Variants in SLC5A3 observed in about 807,000 individuals in gnomAD.
The protein encoded by SLC5A3 is sodium/myo-inositol cotransporter.
Under a neutral mutation model 43.2 loss-of-function variants are expected in SLC5A3, and 10 were observed. That is an observed-to-expected ratio of 0.23 (90% CI 0.14 to 0.39). The LOEUF (loss-of-function observed/expected upper bound fraction) is 0.39. Among genes scored for constraint, SLC5A3 ranks in the 10% least tolerant of loss-of-function variants. SLC5A3 has a pLI of 1.00. For missense variants in SLC5A3, 608 were observed against 893.4 expected (o/e 0.68, Z 4.07); for synonymous variants, 349 against 322.0 (o/e 1.08, Z -0.90).
At position 34,095,756 on chromosome 21, in the gene SLC5A3, T is replaced by A. The variant is rs1341234779; in HGVS notation, c.558T>A (p.Thr186=). ...TTGTTGCAGTGATCTACACAGACAC[T>A]CTGCAGGCTCTGCTCATGATCATTG... ...GGLVAVIYTD[T]LQALLMIIGA... The change falls in exon 2 of 2, where the codon ACT becomes ACA. Residue 186 remains threonine (T), a synonymous_variant. Coordinates refer to ENST00000381151, the MANE Select transcript of SLC5A3 (RefSeq NM_006933.7). 5 of 1,614,112 alleles carry A rather than the reference T, an allele frequency of 3.1e-6. No individual in the cohort carries two copies. The highest frequency in any genetic ancestry group is 4.2e-6 in the Non-Finnish European group (5 of 1,180,000).
intron 1 of SLC5A3, among the ~76,000 whole-genome samples, chr21:34,081,551 T>A (rs909009628): frequency 2.6e-5 from 4 of 152,192 alleles, no homozygotes; most frequent in African/African-American, 9.6e-5. Flanking sequence ...AAACAAAGAC[T>A]GGCATTGGGA....
chr21:34,098,557 G>T lies in SLC5A3; in HGVS notation c.*1202G>T. 2 of 1,000,206 alleles carry T rather than the reference G, an allele frequency of 2.0e-6. No homozygotes were observed. The highest frequency in any genetic ancestry group is 2.4e-6 in the Non-Finnish European group (2 of 829,966). The allele number at this position is 1,000,206 out of a possible 1,614,324, so 62.0% of individuals were successfully genotyped here. A position where few individuals can be genotyped will look rare whatever the true frequency, so the allele number is the denominator to read the frequency against. ...CATAAGGATGTTTCAGTGCAAACTGGCCGTCGGTAACAGAAAACTCAGTGC... is the reference window on the plus strand; with the variant it reads ...CATAAGGATGTTTCAGTGCAAACTGTCCGTCGGTAACAGAAAACTCAGTGC... On this transcript the variant is annotated 3_prime_UTR_variant, in exon 2 of 2. Transcript: ENST00000381151.
At chr21:34,093,959 T>C (rs911243033) in intron 1 of SLC5A3, among the ~76,000 whole-genome samples, 4 of 152,098 alleles carry the variant, frequency 2.6e-5, no homozygotes, top group African/African-American at 9.7e-5. Context: ...ACTTTTCTCC[T>C]CCTCCCTCTT....
intron 1 of SLC5A3, among the ~76,000 whole-genome samples, chr21:34,080,608 A>G (rs1054626780): frequency 3.3e-5 from 5 of 152,346 alleles, no homozygotes; most frequent in Non-Finnish European, 5.9e-5. Context: ...ATAATAGACT[A>G]ATCTTTCCTT....
intron 1 of SLC5A3, among the ~76,000 whole-genome samples, chr21:34,092,870 AG>A (rs1978777376): frequency 6.6e-6 from 1 of 152,168 alleles, no homozygotes; most frequent in Non-Finnish European, 1.5e-5. Context: ...ATACCTGATT[AG>A]CCAGGTAGCC....
At chr21:34,086,892 G>A (rs578184143) in intron 1 of SLC5A3, among the ~76,000 whole-genome samples, 1 of 152,286 alleles carries the variant, frequency 6.6e-6, no homozygotes, top group South Asian at 2.1e-4. Flanking sequence ...GAGCTGAAGG[G>A]AATTGTTGCT....
At chr21:34,083,665 T>G (rs1017126027) in intron 1 of SLC5A3, among the ~76,000 whole-genome samples, 5 of 152,220 alleles carry the variant, frequency 3.3e-5, no homozygotes, top group South Asian at 2.1e-4. Context: ...TGAAGTATAG[T>G]ATCTTGAAGC....
At chr21:34,079,130 C>G (rs767652108) in intron 1 of SLC5A3, among the ~76,000 whole-genome samples, 1 of 152,158 alleles carries the variant, frequency 6.6e-6, no homozygotes, top group Admixed American at 6.5e-5. Flanking sequence ...CCAGATCTGA[C>G]CTGTCACCTA....
chr21:34,103,276 G>A lies in SLC5A3; in HGVS notation c.*5921G>A. The A allele has an allele frequency of 1.0e-6, 1 of 984,586 alleles. No individual in the cohort carries two copies. The highest frequency in any genetic ancestry group is 1.8e-5 in the African/African-American group (1 of 54,310). The allele number at this position is 984,586 out of a possible 1,614,324, so 61.0% of individuals were successfully genotyped here. On this transcript the variant is annotated 3_prime_UTR_variant, in exon 2 of 2. Coordinates refer to ENST00000381151, the MANE Select transcript of SLC5A3 (RefSeq NM_006933.7). Reference sequence around the variant, plus strand: ...CGTTCTTAACAGAAAATTTGTATTTGTTATTCCTCTTAAATTTTGTCGTAA... The same window carrying A: ...CGTTCTTAACAGAAAATTTGTATTTATTATTCCTCTTAAATTTTGTCGTAA...
chr21:34,077,692 A>G (rs1004099182), intron 1 of SLC5A3, among the ~76,000 whole-genome samples: 7 of 152,232 alleles, frequency 4.6e-5, no homozygotes, highest in African/African-American at 1.7e-4. Flanking sequence ...CGCAGATTAT[A>G]TTTTACATTT....
chr21:34,082,857 C>A (rs1989490726), intron 1 of SLC5A3, among the ~76,000 whole-genome samples: 2 of 152,142 alleles, frequency 1.3e-5, no homozygotes, highest in Admixed American at 1.3e-4. Flanking sequence ...TTTTGCTTCC[C>A]CTTGCAATCA....
chr21:34,096,308 G>T lies in SLC5A3; in HGVS notation c.1110G>T (p.Val370=). ...GCCTTCGGGGTTTAATGATGGCAGT[G>T]ATGATTGCAGCTCTGATGAGTGACT... The part of the protein sequence containing the change: ...PVGLRGLMMA[V]MIAALMSDLD... The change falls in exon 2 of 2, where the codon GTG becomes GTT. Residue 370 remains valine (V), a synonymous_variant. Transcript: ENST00000381151. The surrounding 1 kb of genome is among the most constrained non-coding windows in gnomAD (Gnocchi z 5.9). 1 of 1,614,090 alleles carries T rather than the reference G, an allele frequency of 6.2e-7. No homozygotes were observed. The highest frequency in any genetic ancestry group is 8.5e-7 in the Non-Finnish European group (1 of 1,179,994).
At position 34,098,288 on chromosome 21, in the gene SLC5A3, TG is replaced by T; in HGVS notation, c.*934del. On this transcript the variant is annotated 3_prime_UTR_variant, in exon 2 of 2. Coordinates refer to ENST00000381151, the MANE Select transcript of SLC5A3 (RefSeq NM_006933.7). ...TTATTTGGAAAAATTATTAGCCAAA[TG>T]CCTTCCTAGGTGGATCCAGTTGGAA... The T allele has an allele frequency of 1.0e-6, 1 of 1,000,112 alleles. No individual in the cohort carries two copies. 62.0% of individuals were successfully genotyped at this position (1,000,112 alleles called of 1,614,324 possible). A position where few individuals can be genotyped will look rare whatever the true frequency, so the allele number is the denominator to read the frequency against.
At position 34,101,453 on chromosome 21, in the gene SLC5A3, T is replaced by G. The variant is rs1979234001; in HGVS notation, c.*4098T>G. The G allele has an allele frequency of 1.0e-6, 1 of 1,000,184 alleles. No individual in the cohort carries two copies. The highest frequency in any genetic ancestry group is 1.2e-6 in the Non-Finnish European group (1 of 829,928). 62.0% of individuals were successfully genotyped at this position (1,000,184 alleles called of 1,614,324 possible). The stretch of plus-strand genomic sequence containing the variant: ...ATTTTGCATTAGCCAGATGCTAGGT[T>G]GTTGAAGGCATTTCAGTGTTGATAA... On this transcript the variant is annotated 3_prime_UTR_variant, in exon 2 of 2. Coordinates refer to ENST00000381151, the MANE Select transcript of SLC5A3 (RefSeq NM_006933.7).
At position 34,098,340 on chromosome 21, in the gene SLC5A3, A is replaced by G. The variant is rs897057631; in HGVS notation, c.*985A>G. ...GATATGTCCAGAAACCTGAAGAAAA[A>G]TTGACGCTGCCTTTGTGTGCTGGAT... On this transcript the variant is annotated 3_prime_UTR_variant, in exon 2 of 2. Transcript: ENST00000381151. 1.4e-5 allele frequency: 14 copies of G among 1,000,144 alleles called. No individual in the cohort carries two copies. In the African/African-American group the frequency reaches 2.1e-4, roughly 15 times the overall value. 62.0% of individuals were successfully genotyped at this position (1,000,144 alleles called of 1,614,324 possible).
rs76263798 is a variant in SLC5A3 at position 34,088,807 on chromosome 21, A to G, written c.-336-6056A>G. 8.9e-3 allele frequency among the ~76,000 whole-genome samples: 1,354 copies of G among 152,314 alleles called. 8 individuals carry two copies. Among genetic ancestry groups the G allele is most frequent in the Non-Finnish European group, 0.012 (827 of 68,032 alleles). On this transcript the variant is annotated intron_variant, in intron 1 of 1. Transcript: ENST00000381151. ...TTATCTCATGATTGTTATAAGGATT[A>G]AAGTAATGCACATAAAACTAGACAC...
chr21:34,074,818 C>G (rs1276775989), intron 1 of SLC5A3, among the ~76,000 whole-genome samples: 2 of 152,220 alleles, frequency 1.3e-5, no homozygotes, highest in Non-Finnish European at 2.9e-5. Context: ...GGAGTATTAC[C>G]AAGTTTGGTT....
At position 34,101,946 on chromosome 21, in the gene SLC5A3, G is replaced by A. The variant is rs1979256674; in HGVS notation, c.*4591G>A. On this transcript the variant is annotated 3_prime_UTR_variant, in exon 2 of 2. Coordinates refer to ENST00000381151, the MANE Select transcript of SLC5A3 (RefSeq NM_006933.7). ...GGTGTCAGAGTGCAGAGAAACAATG[G>A]AGTTTTGATGCCAAAAAGGTTTTTT... 1.0e-6 allele frequency: 1 copy of A among 1,000,074 alleles called. No homozygotes were observed. 62.0% of individuals were successfully genotyped at this position (1,000,074 alleles called of 1,614,324 possible).
chr21:34,088,254 T>A (rs1057396913), intron 1 of SLC5A3, among the ~76,000 whole-genome samples: 1 of 152,086 alleles, frequency 6.6e-6, no homozygotes, highest in African/African-American at 2.4e-5. Context: ...AGACTTACTA[T>A]TTTTCCCCTT....
Sources: gnomAD v4.1 joint callset for allele counts (sites outside exome capture counted in the v4.1 genomes callset) on GRCh38, gnomAD v4.1.1 for gene constraint, Gnocchi (gnomAD v3.1) non-coding constraint, MANE v1.5 for transcripts, NCBI Gene and HGNC (gene_info 2026-07-23, HGNC 2026-07-21) for gene names.